Variants in EXOC4 observed in about 807,000 individuals in gnomAD.
EXOC4 encodes the protein exocyst complex component 4.
EXOC4 carries 71 observed loss-of-function variants against 107.2 expected under a neutral mutation model. That is an observed-to-expected ratio of 0.66 (90% CI 0.55 to 0.81). EXOC4 has a LOEUF of 0.81. Among genes scored for constraint, EXOC4 ranks in the 30% least tolerant of loss-of-function variants. The pLI, the probability that EXOC4 is intolerant of heterozygous loss-of-function variation, is 0.00. For missense variants in EXOC4, 1,108 were observed against 1,189.6 expected, an observed-to-expected ratio of 0.93 and a Z score of 1.01; for synonymous variants, 456 against 441.2, an observed-to-expected ratio of 1.03 and a Z score of -0.42.
intron 10 of EXOC4, among the ~76,000 whole-genome samples, chr7:133,679,795 A>G (rs1218391005): frequency 1.3e-5 from 2 of 152,258 alleles, no homozygotes; most frequent in Admixed American, 6.5e-5. Context: ...AGAATGTTAA[A>G]GCTAAAAGAT....
chr7:133,365,092 GAA>G (rs1403905195), intron 6 of EXOC4, among the ~76,000 whole-genome samples: 1 of 152,128 alleles, frequency 6.6e-6, no homozygotes, highest in Admixed American at 6.6e-5. Context: ...TGAGAAGCGT[GAA>G]AAGCAGCCAC....
intron 9 of EXOC4, among the ~76,000 whole-genome samples, chr7:133,505,294 T>C (rs942047276): frequency 6.6e-6 from 1 of 152,152 alleles, no homozygotes; most frequent in African/African-American, 2.4e-5. Context: ...CGATTTTGGC[T>C]TTTGTTTCCT....
the EXOC4 span, among the ~76,000 whole-genome samples, chr7:134,089,213 T>C: frequency 6.6e-6 from 1 of 152,170 alleles, no homozygotes. Flanking sequence ...TCACAAACCT[T>C]CCACAACTTG....
chr7:133,945,139 T>G (rs1800519501), intron 14 of EXOC4, among the ~76,000 whole-genome samples: 1 of 152,166 alleles, frequency 6.6e-6, no homozygotes, highest in Non-Finnish European at 1.5e-5. Context: ...TAATTGTTCC[T>G]AGGTATGACA....
At chr7:133,660,175 T>TG (rs1352986228) in intron 10 of EXOC4, among the ~76,000 whole-genome samples, 1 of 31,838 alleles carries the variant, frequency 3.1e-5, no homozygotes, top group Non-Finnish European at 8.5e-5. Context: ...GTGTTTTCAT[T>TG]AATTTTTTTT....
intron 11 of EXOC4, among the ~76,000 whole-genome samples, chr7:133,882,848 C>G (rs1445037593): frequency 6.6e-6 from 1 of 152,154 alleles, no homozygotes; most frequent in Non-Finnish European, 1.5e-5. Flanking sequence ...TATGAGTTAT[C>G]TGAGCAATGT....
At chr7:133,347,464 G>C (rs1328845476) in intron 5 of EXOC4, among the ~76,000 whole-genome samples, 1 of 151,440 alleles carries the variant, frequency 6.6e-6, no homozygotes, top group Non-Finnish European at 1.5e-5. Flanking sequence ...GGATGGTCTC[G>C]ATCTCTTGAC....
intron 10 of EXOC4, among the ~76,000 whole-genome samples, chr7:133,714,681 A>C (rs1007000205): frequency 6.6e-6 from 1 of 152,222 alleles, no homozygotes; most frequent in African/African-American, 2.4e-5. Context: ...TAGGTATTGT[A>C]AGTAACCTAG....
At chr7:133,455,793 T>C (rs954855188) in intron 7 of EXOC4, among the ~76,000 whole-genome samples, 1 of 152,218 alleles carries the variant, frequency 6.6e-6, no homozygotes, top group Non-Finnish European at 1.5e-5. Context: ...ACTTAAAGAT[T>C]GAACGATCTA....
At chr7:133,512,848 AC>A (rs1440766610) in intron 9 of EXOC4, among the ~76,000 whole-genome samples, 2 of 152,122 alleles carry the variant, frequency 1.3e-5, no homozygotes, top group African/African-American at 2.4e-5. Context: ...ATCATATGAA[AC>A]TGGCCAGGTG....
intron 4 of EXOC4, among the ~76,000 whole-genome samples, chr7:133,308,473 G>A (rs1026284766): frequency 1.3e-5 from 2 of 152,156 alleles, no homozygotes; most frequent in African/African-American, 2.4e-5. Flanking sequence ...AAGGAGAGAG[G>A]TCTCAGAAGA....
chr7:133,609,070 C>T (rs1431119978), intron 9 of EXOC4, among the ~76,000 whole-genome samples: 1 of 151,640 alleles, frequency 6.6e-6, no homozygotes, highest in Non-Finnish European at 1.5e-5. Context: ...GTCATTTTAC[C>T]CCTGCTTGCC....
At chr7:134,051,528 TG>T (rs1795787140) in intron 17 of EXOC4, among the ~76,000 whole-genome samples, 1 of 151,480 alleles carries the variant, frequency 6.6e-6, no homozygotes, top group African/African-American at 2.4e-5. Context: ...AAAAATTAGC[TG>T]GGTGTGGTGG....
Position 133,630,069 on chromosome 7 carries a change from A to G in EXOC4, c.1442A>G (p.Glu481Gly), listed in dbSNP as rs1360897074. 6.2e-7 allele frequency: 1 copy of G among 1,613,694 alleles called. No individual in the cohort carries two copies. Among genetic ancestry groups the G allele is most frequent in the African/African-American group, 1.3e-5 (1 of 74,894 alleles). ...GGGGGTCCTGATGACAACTTAATTG[A>G]AGGTGGAGGAACAAAATTTGTCTGC... ...LQGGPDDNLIEGGGTKFVCKP... is the reference protein window; with the variant it reads ...LQGGPDDNLIGGGGTKFVCKP... The change falls in exon 10 of 18, where the codon GAA (glutamate) becomes GGA (glycine). Residue 481 changes from glutamate (E) to glycine (G), a missense_variant. Transcript: ENST00000253861.
At chr7:133,361,004 T>G (rs1796123736) in intron 6 of EXOC4, among the ~76,000 whole-genome samples, 1 of 152,220 alleles carries the variant, frequency 6.6e-6, no homozygotes, top group Non-Finnish European at 1.5e-5. Context: ...CTAGTTTGTC[T>G]TGTTCAGTAC....
intron 14 of EXOC4, among the ~76,000 whole-genome samples, chr7:133,961,110 A>G (rs1319171817): frequency 6.6e-6 from 1 of 152,012 alleles, no homozygotes; most frequent in African/African-American, 2.4e-5. Flanking sequence ...TGGAATAGGG[A>G]GACAGAAAAG....
intron 10 of EXOC4, among the ~76,000 whole-genome samples, chr7:133,740,160 T>A (rs961952167): frequency 1.3e-5 from 2 of 152,170 alleles, no homozygotes; most frequent in Non-Finnish European, 2.9e-5. Flanking sequence ...TAGTAATACT[T>A]GCTACCCTCA....
At chr7:133,965,956 A>G (rs1262078948) in intron 14 of EXOC4, among the ~76,000 whole-genome samples, 1 of 152,234 alleles carries the variant, frequency 6.6e-6, no homozygotes, top group Non-Finnish European at 1.5e-5. Flanking sequence ...CCTATCCATA[A>G]GCACGGAATG....
At chr7:133,978,004 G>A (rs956603601) in intron 14 of EXOC4, among the ~76,000 whole-genome samples, 1 of 152,184 alleles carries the variant, frequency 6.6e-6, no homozygotes, top group Non-Finnish European at 1.5e-5. Context: ...CTAACTTGAT[G>A]TGCAAACAGA....
Sources: gnomAD v4.1 joint callset for allele counts (sites outside exome capture counted in the v4.1 genomes callset) on GRCh38, gnomAD v4.1.1 for gene constraint, MANE v1.5 for transcripts, NCBI Gene and HGNC (gene_info 2026-07-23, HGNC 2026-07-21) for gene names.